The following FBXL22 variants were observed in gnomAD, a reference collection of about 807,000 sequenced individuals.
The protein encoded by FBXL22 is F-box and leucine-rich protein 22.
FBXL22 carries 13 observed loss-of-function variants against 11.7 expected under a neutral mutation model. The ratio of observed to expected loss-of-function variants is 1.11; its 90% CI spans 0.73 to 1.77. The LOEUF is 1.77. Among genes scored for constraint, FBXL22 ranks in the 40% most tolerant of loss-of-function variants. The pLI, the probability that FBXL22 is intolerant of heterozygous loss-of-function variation, is 0.00. For synonymous variants in FBXL22, 160 were observed against 144.1 expected, an observed-to-expected ratio of 1.11 and a Z score of -0.79; for missense variants, 406 against 320.4, an observed-to-expected ratio of 1.27 and a Z score of -2.04.
At chr15:63,606,956 G>A (rs756849370), downstream of FBXL22, among the ~76,000 whole-genome samples, 3 of 152,038 alleles carry the variant, frequency 2.0e-5, no homozygotes, top group Non-Finnish European at 2.9e-5. Context: ...CCTTTGCTCT[G>A]CATGTCCTCA....
chr15:63,601,341 G>A (rs376856221), downstream of FBXL22: 6 of 1,602,852 alleles, frequency 3.7e-6, no homozygotes, highest in South Asian at 1.1e-5. Context: ...CGCCTGCACC[G>A]TCCTCGGGGA....
chr15:63,599,909 C>G, intron 1 of FBXL22: 1 of 985,600 alleles, frequency 1.0e-6, no homozygotes, highest in Non-Finnish European at 1.2e-6. Context: ...TCCCCCCACG[C>G]AGAGGAAATG....
At chr15:63,601,419 G>C (rs543383828), downstream of FBXL22, 1 of 1,590,698 alleles carries the variant, frequency 6.3e-7, no homozygotes, top group African/African-American at 1.4e-5. Context: ...TCGCCGACTT[G>C]CGCTCGGGGG....
chr15:63,601,016 C>T lies in FBXL22; in HGVS notation c.673C>T (p.Leu225Phe), dbSNP rs866358256. Residue 225 changes from leucine (L) to phenylalanine (F), a missense_variant, in exon 2 of 2, where the codon CTC becomes TTC. Transcript: ENST00000638704. ...PPRPRAPAAA[L>F]GKLLQR ...GCGCCCGCGCGCGCCCGCCGCGGCC[C>T]TCGGCAAGCTGCTGCAGCGCTAGAC... The T allele has an allele frequency of 3.3e-6, 4 of 1,206,924 alleles. No homozygotes were observed. The African/African-American group carries it at 6.3e-5, about 19-fold the overall frequency. The allele number at this position is 1,206,924 out of a possible 1,614,324, so 74.8% of individuals were successfully genotyped here.
chr15:63,608,303 G>A, the FBXL22 span, among the ~76,000 whole-genome samples: 2 of 152,164 alleles, frequency 1.3e-5, no homozygotes, highest in Non-Finnish European at 2.9e-5. Context: ...AGGTAGCTGG[G>A]GCTGTCCAGA....
rs571923129 is a variant in FBXL22, at chr15:63,600,706, C to G, written c.363C>G (p.Asn121Lys). Residue 121 changes from asparagine (N) to lysine (K), a missense_variant, in exon 2 of 2, where the codon AAC becomes AAG. Asn to Lys is a moderately conservative substitution (Grantham distance 94). Transcript: ENST00000638704. Reference protein sequence around the residue: ...FLLRVCDRCPNLASVTLSGCG... With the variant: ...FLLRVCDRCPKLASVTLSGCG... Reference sequence around the variant, plus strand: ...CGCACTCTCCTCACAGGTGCCCCAACCTGGCGTCCGTCACGCTCTCGGGCT... The same window carrying G: ...CGCACTCTCCTCACAGGTGCCCCAAGCTGGCGTCCGTCACGCTCTCGGGCT... 42 of 1,231,552 alleles carry G rather than the reference C, an allele frequency of 3.4e-5. No individual in the cohort carries two copies. The African/African-American group carries it at 6.0e-4, about 18-fold the overall frequency. 76.3% of individuals were successfully genotyped at this position (1,231,552 alleles called of 1,614,324 possible).
downstream of FBXL22, among the ~76,000 whole-genome samples, chr15:63,604,282 A>G (rs1484936250): frequency 6.6e-6 from 1 of 152,190 alleles, no homozygotes; most frequent in Non-Finnish European, 1.5e-5. Flanking sequence ...AGGGGTCACT[A>G]TAGGTTGAGC....
chr15:63,598,139 G>A (rs2067303076), intron 1 of FBXL22, among the ~76,000 whole-genome samples: 2 of 152,146 alleles, frequency 1.3e-5, no homozygotes, highest in Non-Finnish European at 2.9e-5. Flanking sequence ...CAAGGCCTGG[G>A]AAACTACGGA....
intron 1 of FBXL22, chr15:63,600,064 T>C (rs1566929162): frequency 1.0e-6 from 1 of 985,764 alleles, no homozygotes; most frequent in African/African-American, 1.7e-5. Context: ...TCCGTGACTG[T>C]ACCTGCTCAG....
intron 1 of FBXL22, chr15:63,599,677 G>C (rs537978570): frequency 3.1e-5 from 31 of 987,682 alleles, no homozygotes; most frequent in Non-Finnish European, 3.6e-5. Context: ...CACAGCCAGG[G>C]GCAGTCACGG....
downstream of FBXL22, among the ~76,000 whole-genome samples, chr15:63,606,327 T>A (rs1169491652): frequency 6.6e-6 from 1 of 152,238 alleles, no homozygotes; most frequent in Non-Finnish European, 1.5e-5. Flanking sequence ...AACAAAGCCA[T>A]ACTTTGAAGG....
At chr15:63,603,791 T>C (rs1170109459), downstream of FBXL22, among the ~76,000 whole-genome samples, 3 of 152,310 alleles carry the variant, frequency 2.0e-5, no homozygotes, top group Non-Finnish European at 4.4e-5. Context: ...GCCAGCTCTG[T>C]CACACCACCA....
chr15:63,603,117 G>C (rs1474096318), downstream of FBXL22, among the ~76,000 whole-genome samples: 2 of 152,084 alleles, frequency 1.3e-5, 1 homozygote, highest in African/African-American at 4.8e-5. Context: ...GGCTAATCTT[G>C]AGACAGACCA....
downstream of FBXL22, among the ~76,000 whole-genome samples, chr15:63,606,828 A>C (rs375683072): frequency 4.6e-5 from 7 of 152,354 alleles, no homozygotes; most frequent in South Asian, 2.1e-4. Flanking sequence ...CCCTGAGCCC[A>C]GGACCTGCAA....
downstream of FBXL22, among the ~76,000 whole-genome samples, chr15:63,603,311 C>A (rs1040067987): frequency 1.1e-4 from 17 of 152,176 alleles, no homozygotes; most frequent in Non-Finnish European, 2.2e-4. Context: ...ATCAAGTCTT[C>A]CCTTTTAAAA....
At chr15:63,607,729 A>G in the FBXL22 span, among the ~76,000 whole-genome samples, 1 of 152,256 alleles carries the variant, frequency 6.6e-6, no homozygotes, top group Admixed American at 6.5e-5. Context: ...TCATTTGAGC[A>G]GGCTGTCGGC....
downstream of FBXL22, chr15:63,601,594 A>C: frequency 6.3e-7 from 1 of 1,579,748 alleles, no homozygotes; most frequent in South Asian, 1.1e-5. Flanking sequence ...GCGCACGGGC[A>C]GAAGGAGCCA....
At chr15:63,605,548 G>C (rs2067409081), downstream of FBXL22, among the ~76,000 whole-genome samples, 1 of 152,174 alleles carries the variant, frequency 6.6e-6, no homozygotes, top group South Asian at 2.1e-4. Context: ...CCGTTAAGGA[G>C]AATATTTCCA....
At chr15:63,599,019 G>A in intron 1 of FBXL22, 1 of 642,040 alleles carries the variant, frequency 1.6e-6, no homozygotes, top group Non-Finnish European at 2.8e-6. Context: ...CACATAAAGA[G>A]CAAAGGGCTT....
Sources: allele counts gnomAD v4.1 joint callset (sites outside exome capture counted in the v4.1 genomes callset), GRCh38; gene constraint gnomAD v4.1.1; transcripts MANE v1.5; gene names NCBI Gene and HGNC (gene_info 2026-07-23, HGNC 2026-07-21).